The following UPK1A variants were observed in gnomAD, a reference collection of about 807,000 sequenced individuals.
UPK1A encodes uroplakin-1a.
In UPK1A, 31 loss-of-function variants were observed where a neutral mutation model predicts 32.3. The ratio of observed to expected loss-of-function variants is 0.96; its 90% CI spans 0.72 to 1.30. UPK1A has a LOEUF of 1.30. UPK1A is among the 50% of genes most tolerant of loss of function. The pLI, the probability that UPK1A is intolerant of heterozygous loss-of-function variation, is 0.00. For synonymous variants in UPK1A, 135 were observed against 137.1 expected, an observed-to-expected ratio of 0.98 and a Z score of 0.11; for missense variants, 340 against 357.4, an observed-to-expected ratio of 0.95 and a Z score of 0.39.
chr19:35,672,122 A>T (rs1211915420), intron 3 of UPK1A, among the ~76,000 whole-genome samples: 4 of 152,080 alleles, frequency 2.6e-5, no homozygotes, highest in Admixed American at 6.6e-5. Flanking sequence ...TTTGCATTAA[A>T]CATCAACTGA....
intron 5 of UPK1A, 30 bp from the exon 6 acceptor site, chr19:35,675,810 G>T: frequency 6.3e-7 from 1 of 1,581,470 alleles, no homozygotes; most frequent in African/African-American, 1.3e-5. Flanking sequence ...CTGAGCCCGA[G>T]CCTGCCTGAC....
chr19:35,671,527 G>A (rs1443162699), intron 3 of UPK1A, among the ~76,000 whole-genome samples: 12 of 133,600 alleles, frequency 9.0e-5, no homozygotes, highest in South Asian at 5.1e-4. Flanking sequence ...GTGCGATCTC[G>A]GCTCACTGCA....
Position 35,678,084 on chromosome 19 carries a change from G to T in UPK1A, c.*65G>T, listed in dbSNP as rs183669633. On this transcript the variant is annotated 3_prime_UTR_variant, in exon 8 of 8. Coordinates refer to ENST00000617999, the Ensembl canonical transcript of UPK1A. ...TCCGCATCCTCCTCCTGCTTCCTCCGCTGGGCCTGGATGGCTGCCTCACCT... is the reference window on the plus strand; with the variant it reads ...TCCGCATCCTCCTCCTGCTTCCTCCTCTGGGCCTGGATGGCTGCCTCACCT... 3.9e-5 allele frequency: 59 copies of T among 1,497,322 alleles called. 1 individual carries two copies. In the African/African-American group the frequency reaches 5.8e-4, roughly 15 times the overall value. 92.8% of individuals were successfully genotyped at this position (1,497,322 alleles called of 1,614,324 possible). A position where few individuals can be genotyped will look rare whatever the true frequency, so the allele number is the denominator to read the frequency against.
chr19:35,668,661 C>A lies in UPK1A; in HGVS notation c.285+7C>A. 6.2e-7 allele frequency: 1 copy of A among 1,609,622 alleles called. No homozygotes were observed. Among genetic ancestry groups the A allele is most frequent in the South Asian group, 1.1e-5 (1 of 90,690 alleles). Reference sequence around the variant, plus strand: ...CCGGTCCATGGTCCTCACGGTGAGACTCCAGGGGTTGGGGGATGGGGACAC... The same window carrying A: ...CCGGTCCATGGTCCTCACGGTGAGAATCCAGGGGTTGGGGGATGGGGACAC... On this transcript the variant is annotated splice_region_variant and intron_variant, in intron 3 of 7. Transcript: ENST00000617999.
Position 35,673,295 on chromosome 19 carries a change from C to T in UPK1A, c.349C>T (p.His117Tyr), listed in dbSNP as rs868225923. 2 of 1,614,134 alleles carry T rather than the reference C, an allele frequency of 1.2e-6. No homozygotes were observed. Among genetic ancestry groups the T allele is most frequent in the African/African-American group, 2.7e-5 (2 of 75,074 alleles). The change falls in exon 4 of 8, where the codon CAC (histidine) becomes TAC (tyrosine). Residue 117 changes from histidine to tyrosine, a missense_variant. His to Tyr is a moderately conservative substitution (Grantham distance 83). Coordinates refer to ENST00000617999, the Ensembl canonical transcript of UPK1A. ...CGCCTCCTGCATCACGTCCTACACCCACCGTGACTACGTGAGCCCGGCGAG... is the reference window on the plus strand; with the variant it reads ...CGCCTCCTGCATCACGTCCTACACCTACCGTGACTACGTGAGCCCGGCGAG...
rs752409965 is a variant in UPK1A, at chr19:35,666,776, G to A, written c.-4-33G>A. On this transcript the variant is annotated intron_variant, in intron 1 of 7. Coordinates refer to ENST00000617999, the Ensembl canonical transcript of UPK1A. ...ATGGGGGGTCCGGCTGGCCCTTTACGCTCCTGGCCTCATCCCTGCTCATGT... is the reference window on the plus strand; with the variant it reads ...ATGGGGGGTCCGGCTGGCCCTTTACACTCCTGGCCTCATCCCTGCTCATGT... The A allele has an allele frequency of 6.2e-6, 10 of 1,610,374 alleles. No homozygotes were observed. In the African/African-American group the frequency reaches 6.7e-5, roughly 11 times the overall value.
intron 6 of UPK1A, chr19:35,676,264 C>T: frequency 1.5e-6 from 1 of 647,918 alleles, no homozygotes; most frequent in South Asian, 1.6e-5. Flanking sequence ...AATCTCAGCT[C>T]ACTGCAGCGT....
rs547917758 is a variant in UPK1A at position 35,675,662 on chromosome 19, G to A, written c.469-178G>A. On this transcript the variant is annotated intron_variant, in intron 5 of 7. Coordinates refer to ENST00000617999, the Ensembl canonical transcript of UPK1A. ...CCTGGTCCTGGGACAAATATTGTCT[G>A]CACCGTGCTCACACACACAGACACC... is the stretch of plus-strand genomic sequence containing the variant. 2.0e-4 allele frequency among the ~76,000 whole-genome samples: 30 copies of A among 152,280 alleles called. No individual in the cohort carries two copies. The Middle Eastern group carries it at 0.01, about 52-fold the overall frequency.
chr19:35,674,633 A>G (rs150285671), intron 5 of UPK1A, among the ~76,000 whole-genome samples: 127 of 152,228 alleles, frequency 8.3e-4, no homozygotes, highest in African/African-American at 2.9e-3. Flanking sequence ...GAGGTTGAAT[A>G]TCTTGCATGA....
At chr19:35,674,974 G>A (rs1454688609) in intron 5 of UPK1A, among the ~76,000 whole-genome samples, 1 of 151,494 alleles carries the variant, frequency 6.6e-6, no homozygotes. Context: ...CCCAGGAGGG[G>A]GAGGTTGCAG....
exon 3 of UPK1A, chr19:35,668,556 G>A (rs1968036756): frequency 1.9e-6 from 3 of 1,614,062 alleles, no homozygotes; most frequent in African/African-American, 2.7e-5. Flanking sequence ...CGTCTTCGCT[G>A]GTGCCTGGAT....
At chr19:35,671,086 T>C (rs1471094013) in intron 3 of UPK1A, among the ~76,000 whole-genome samples, 1 of 151,872 alleles carries the variant, frequency 6.6e-6, no homozygotes, top group Non-Finnish European at 1.5e-5. Context: ...GTCACCCAAC[T>C]AGTTTTAAAA....
intron 6 of UPK1A, 38 bp from the exon 7 acceptor site, chr19:35,677,774 T>C: frequency 6.2e-7 from 1 of 1,610,942 alleles, no homozygotes; most frequent in Non-Finnish European, 8.5e-7. Flanking sequence ...GCTACCCTCA[T>C]GGGCGTCTTC....
At position 35,673,270 on chromosome 19, in the gene UPK1A, C is replaced by G. The variant is rs1309826187; in HGVS notation, c.324C>G (p.Cys108Trp). The G allele has an allele frequency of 2.5e-6, 4 of 1,614,038 alleles. No homozygotes were observed. The South Asian group carries it at 4.4e-5, about 18-fold the overall frequency. The change falls in exon 4 of 8, where the codon TGC becomes TGG. Residue 108 changes from cysteine (C) to tryptophan (W), a missense_variant. Physicochemically the swap from Cys to Trp is radical, Grantham distance 215. Transcript: ENST00000617999. The stretch of plus-strand genomic sequence containing the variant: ...TGCTCATCGTCTACATCTTCGAGTG[C>G]GCCTCCTGCATCACGTCCTACACCC...
Position 35,666,817 on chromosome 19 carries a change from C to T in UPK1A, c.5C>T (p.Ala2Val), listed in dbSNP as rs367904056. ...CTGCTCATGTGTCCCAGGATGATGG[C>T]GTCTGCGGCAGCAGCGGAGGCCGAG... The change falls in exon 2 of 8, where the codon GCG (alanine) becomes GTG (valine). Residue 2 changes from alanine to valine, a missense_variant. Physicochemically the swap from Ala to Val is moderately conservative, Grantham distance 64 (BLOSUM62 0). Coordinates refer to ENST00000617999, the Ensembl canonical transcript of UPK1A. 1.2e-4 allele frequency: 193 copies of T among 1,613,966 alleles called. No individual in the cohort carries two copies. Among genetic ancestry groups the T allele is most frequent in the Non-Finnish European group, 1.5e-4 (179 of 1,179,996 alleles).
At chr19:35,675,078 T>C (rs1968161539) in intron 5 of UPK1A, among the ~76,000 whole-genome samples, 1 of 149,186 alleles carries the variant, frequency 6.7e-6, no homozygotes, top group Non-Finnish European at 1.5e-5. Flanking sequence ...AATTGAGGAC[T>C]CAAGGAAAAC....
At chr19:35,668,511 G>C in exon 3 of UPK1A, 1 of 1,614,214 alleles carries the variant, frequency 6.2e-7, no homozygotes, top group Non-Finnish European at 8.5e-7. Context: ...CCAGTACCGT[G>C]TATACCCACT....
chr19:35,676,171 TTTTCTTTCTTTC>T (rs373683502), intron 6 of UPK1A, 152 bp downstream of exon 6: 13 of 882,434 alleles, frequency 1.5e-5, no homozygotes, highest in East Asian at 2.8e-5. Context: ...CTTGTTTTCT[TTTTCTTTCTTTC>T]TTTCTTTCTT....
chr19:35,666,930 T>C, intron 2 of UPK1A, 34 bp downstream of exon 2: 1 of 1,610,374 alleles, frequency 6.2e-7, no homozygotes, highest in Non-Finnish European at 8.5e-7. Context: ...AGCCGAGTGG[T>C]TGTGTGGTGG....
Sources: allele counts gnomAD v4.1 joint callset (sites outside exome capture counted in the v4.1 genomes callset), GRCh38; gene constraint gnomAD v4.1.1; transcripts MANE v1.5; gene names NCBI Gene and HGNC (gene_info 2026-07-23, HGNC 2026-07-21).